RBM47: variants seen among roughly 807,000 people sequenced by gnomAD.
RBM47 encodes the protein RNA-binding protein 47.
In RBM47, 21 loss-of-function variants were observed where a neutral mutation model predicts 47.1. The observed-to-expected ratio is 0.45, with a 90% confidence interval of 0.32 to 0.64. The LOEUF (loss-of-function observed/expected upper bound fraction) is 0.64, where lower values mean the gene tolerates loss of function less well. RBM47 is among the 30% of genes least tolerant of loss of function. The pLI is 0.05. For synonymous variants in RBM47, 375 were observed against 361.7 expected (o/e 1.04, Z -0.42); for missense variants, 708 against 870.9 (o/e 0.81, Z 2.35).
chr4:40,499,916 C>CT (rs1467904243), intron 2 of RBM47, among the ~76,000 whole-genome samples: 2 of 152,298 alleles, frequency 1.3e-5, no homozygotes, highest in East Asian at 1.9e-4. Context: ...CCTCTATAAA[C>CT]TTTTTTTAGC....
chr4:40,535,049 T>G (rs928328893), intron 2 of RBM47, among the ~76,000 whole-genome samples: 1 of 152,130 alleles, frequency 6.6e-6, no homozygotes, highest in African/African-American at 2.4e-5. Context: ...GTCTTTTAAG[T>G]CTGTTTTCTT....
chr4:40,588,505 C>T (rs1473673429), intron 1 of RBM47, among the ~76,000 whole-genome samples: 1 of 152,182 alleles, frequency 6.6e-6, no homozygotes, highest in Non-Finnish European at 1.5e-5. Context: ...CTCTTGAAAA[C>T]ACGAAATTAT....
chr4:40,491,352 C>A (rs768977324), intron 2 of RBM47, among the ~76,000 whole-genome samples: 8 of 152,150 alleles, frequency 5.3e-5, no homozygotes, highest in African/African-American at 1.9e-4. Flanking sequence ...CTCATAAGAG[C>A]TAAAACTGTA....
rs111645919 is a variant in RBM47 at position 40,507,785 on chromosome 4, C to CA, written c.-155+36636dup. On this transcript the variant is annotated intron_variant, in intron 2 of 6. Coordinates refer to ENST00000295971, the MANE Select transcript of RBM47 (RefSeq NM_001098634.2). ...TGGGCGACAGAGTGAGACTCCATCTCAAAAAAAAAGTCCAGAGCAAGTCTT... is the reference window on the plus strand; with the variant it reads ...TGGGCGACAGAGTGAGACTCCATCTCAAAAAAAAAAGTCCAGAGCAAGTCTT... 1.8e-3 allele frequency among the ~76,000 whole-genome samples: 262 copies of CA among 148,934 alleles called. 7 individuals carry two copies. The highest frequency in any genetic ancestry group is 5.9e-3 in the African/African-American group (239 of 40,528).
At chr4:40,545,705 A>AT (rs1728980013) in intron 1 of RBM47, among the ~76,000 whole-genome samples, 17 of 151,636 alleles carry the variant, frequency 1.1e-4, no homozygotes, top group East Asian at 1.9e-4. Flanking sequence ...AAATAAATAA[A>AT]AGAGAAAGAG....
chr4:40,563,623 GT>G (rs1730837006), intron 1 of RBM47, among the ~76,000 whole-genome samples: 2 of 152,190 alleles, frequency 1.3e-5, no homozygotes, highest in South Asian at 4.1e-4. Flanking sequence ...TGCACACATG[GT>G]TAATACTCAC....
chr4:40,455,886 TCA>T (rs1716166608), intron 3 of RBM47, among the ~76,000 whole-genome samples: 1 of 152,206 alleles, frequency 6.6e-6, no homozygotes, highest in South Asian at 2.1e-4. Flanking sequence ...AACTGTGTAG[TCA>T]CAGTTTAGAG....
intron 2 of RBM47, among the ~76,000 whole-genome samples, chr4:40,493,726 G>A (rs2154247433): frequency 6.6e-6 from 1 of 150,678 alleles, no homozygotes; most frequent in East Asian, 2.0e-4. Flanking sequence ...GGTTGCAGTG[G>A]CTGGCACTGC....
intron 2 of RBM47, among the ~76,000 whole-genome samples, chr4:40,512,661 G>A (rs1387588411): frequency 6.7e-6 from 1 of 148,298 alleles, no homozygotes; most frequent in Non-Finnish European, 1.5e-5. Flanking sequence ...GTTGCAGTGA[G>A]CCGAGATTGT....
At chr4:40,486,069 C>CAAAAAAAAAAAAAAAAAAA (rs201408070) in intron 2 of RBM47, among the ~76,000 whole-genome samples, 2 of 62,818 alleles carry the variant, frequency 3.2e-5, no homozygotes, top group African/African-American at 9.9e-5. Context: ...AACCCTGTTT[C>CAAAAAAAAAAAAAAAAAAA]AAAAAAAAAA....
At chr4:40,432,184 TTCTC>T (rs1227818818) in intron 6 of RBM47, among the ~76,000 whole-genome samples, 4 of 146,744 alleles carry the variant, frequency 2.7e-5, no homozygotes, top group African/African-American at 7.9e-5. Flanking sequence ...CAGATGTTCT[TTCTC>T]TCTCTCTCTC....
intron 2 of RBM47, among the ~76,000 whole-genome samples, chr4:40,522,640 T>G (rs765197590): frequency 6.6e-6 from 1 of 152,146 alleles, no homozygotes; most frequent in Non-Finnish European, 1.5e-5. Flanking sequence ...CTTTGTGAGG[T>G]TGAATTTTCT....
chr4:40,437,193 A>G (rs140725611), intron 4 of RBM47, among the ~76,000 whole-genome samples: 1,205 of 96,504 alleles, frequency 0.012, 19 homozygotes, highest in African/African-American at 0.036. Context: ...ATATACTATT[A>G]AATAATTTTT....
chr4:40,581,187 C>T (rs986017846), intron 1 of RBM47, among the ~76,000 whole-genome samples: 2 of 151,932 alleles, frequency 1.3e-5, no homozygotes, highest in Non-Finnish European at 2.9e-5. Flanking sequence ...TTTGGGAGGC[C>T]GAGATGGGAA....
At chr4:40,447,483 T>C (rs138113682) in intron 3 of RBM47, among the ~76,000 whole-genome samples, 37 of 152,352 alleles carry the variant, frequency 2.4e-4, no homozygotes, top group African/African-American at 8.4e-4. Context: ...TGGGACATTT[T>C]AGAGGGCAAA....
chr4:40,453,832 A>C (rs1715813326), intron 3 of RBM47, among the ~76,000 whole-genome samples: 1 of 150,826 alleles, frequency 6.6e-6, no homozygotes, highest in South Asian at 2.1e-4. Flanking sequence ...TTGCTCTCAG[A>C]GGTCAAATTT....
At chr4:40,587,329 G>A (rs1442128302) in intron 1 of RBM47, among the ~76,000 whole-genome samples, 1 of 152,102 alleles carries the variant, frequency 6.6e-6, no homozygotes, top group Non-Finnish European at 1.5e-5. Flanking sequence ...TGCTCAGGGA[G>A]GAACTGTGGG....
chr4:40,558,679 T>C (rs763140943), intron 1 of RBM47, among the ~76,000 whole-genome samples: 23 of 151,958 alleles, frequency 1.5e-4, no homozygotes, highest in Non-Finnish European at 2.6e-4. Flanking sequence ...AATACAAAAA[T>C]TAGCCAGGTG....
At chr4:40,481,483 ATTATTT>A (rs1205187559) in intron 2 of RBM47, among the ~76,000 whole-genome samples, 2,999 of 106,180 alleles carry the variant, frequency 0.028, 55 homozygotes, top group Admixed American at 0.037. Flanking sequence ...TATTATTATT[ATTATTT>A]TTATTTTTAT....
Sources: allele counts gnomAD v4.1 joint callset (sites outside exome capture counted in the v4.1 genomes callset), GRCh38; gene constraint gnomAD v4.1.1; transcripts MANE v1.5; gene names NCBI Gene and HGNC (gene_info 2026-07-23, HGNC 2026-07-21).